The following THADA variants were observed in gnomAD, a reference collection of about 807,000 sequenced individuals.
THADA encodes THADA armadillo repeat containing.
Under a neutral mutation model 219.8 loss-of-function variants are expected in THADA, and 213 were observed. The ratio of observed to expected loss-of-function variants is 0.97; its 90% CI spans 0.87 to 1.09. The LOEUF (loss-of-function observed/expected upper bound fraction) is 1.09. Among genes scored for constraint, THADA ranks in the 50% least tolerant of loss-of-function variants. The pLI is 0.00. For missense variants in THADA, 2,956 were observed against 2,311.3 expected, an observed-to-expected ratio of 1.28 and a Z score of -5.72; for synonymous variants, 1,018 against 828.9, an observed-to-expected ratio of 1.23 and a Z score of -3.92.
At chr2:43,560,990 C>A (rs146521611) in intron 15 of THADA, among the ~76,000 whole-genome samples, 1,876 of 146,042 alleles carry the variant, frequency 0.013, 24 homozygotes, top group Middle Eastern at 0.029. Flanking sequence ...GCACTCCAGC[C>A]TGCGCAACAG....
Position 43,498,830 on chromosome 2 carries a change from T to C in THADA, c.3744+3A>G. 3 of 1,612,156 alleles carry C rather than the reference T, an allele frequency of 1.9e-6. No individual in the cohort carries two copies. Among genetic ancestry groups the C allele is most frequent in the Non-Finnish European group, 2.5e-6 (3 of 1,179,366 alleles). On this transcript the variant is annotated splice_donor_region_variant and intron_variant, in intron 25 of 37. Coordinates refer to ENST00000405975, the MANE Select transcript of THADA (RefSeq NM_022065.5). ...AATGAAAATAAATAGTGACAGCACT[T>C]ACTGCCCAGACCGGTGATGTAAAAC... is the stretch of plus-strand genomic sequence containing the variant.
chr2:43,586,736 T>C lies in THADA; in HGVS notation c.452-2A>G. On this transcript the variant is annotated splice_acceptor_variant, in intron 5 of 37. Transcript: ENST00000405975. LOFTEE classifies it high-confidence loss of function. ...GCAGATTATTAACACTTGCTCTACC[T>C]GTAGAGGAAAAAATGAACACTGGTA... 1 of 1,612,146 alleles carries C rather than the reference T, an allele frequency of 6.2e-7. No homozygotes were observed. Among genetic ancestry groups the C allele is most frequent in the Non-Finnish European group, 8.5e-7 (1 of 1,179,430 alleles).
chr2:43,413,248 G>C (rs1324905028), intron 28 of THADA, among the ~76,000 whole-genome samples: 1 of 151,922 alleles, frequency 6.6e-6, no homozygotes. Context: ...TATGTTACCA[G>C]GTAACATGTT....
At chr2:43,429,729 T>A (rs1294644967) in intron 27 of THADA, among the ~76,000 whole-genome samples, 1 of 151,300 alleles carries the variant, frequency 6.6e-6, no homozygotes, top group African/African-American at 2.4e-5. Flanking sequence ...TGGAATTAAG[T>A]TTGATAAAAT....
intron 26 of THADA, among the ~76,000 whole-genome samples, chr2:43,456,011 A>G (rs1317464792): frequency 1.3e-5 from 2 of 152,178 alleles, no homozygotes; most frequent in African/African-American, 2.4e-5. Context: ...TCGATTGCCA[A>G]AAGACTACGC....
intron 25 of THADA, among the ~76,000 whole-genome samples, chr2:43,490,364 T>C (rs142624847): frequency 5.9e-4 from 90 of 152,318 alleles, no homozygotes; most frequent in Middle Eastern, 3.4e-3. Context: ...GGAACTCCAG[T>C]ACAATGTTGA....
intron 22 of THADA, among the ~76,000 whole-genome samples, chr2:43,511,980 A>T (rs1391324748): frequency 6.6e-6 from 1 of 152,168 alleles, no homozygotes; most frequent in Non-Finnish European, 1.5e-5. Context: ...CCCTAATTTA[A>T]ACACTTGGCT....
chr2:43,523,431 T>C (rs1380983880), intron 22 of THADA, among the ~76,000 whole-genome samples: 1 of 152,208 alleles, frequency 6.6e-6, no homozygotes, highest in Non-Finnish European at 1.5e-5. Context: ...CAAAGCTGAA[T>C]GACTCTTCCC....
intron 30 of THADA, among the ~76,000 whole-genome samples, chr2:43,340,983 T>C (rs1667003303): frequency 6.6e-6 from 1 of 152,196 alleles, no homozygotes; most frequent in Admixed American, 6.5e-5. Context: ...TAATTTGCTA[T>C]TTAGGAACCT....
chr2:43,519,002 A>G (rs1000612408), intron 22 of THADA, among the ~76,000 whole-genome samples: 2 of 151,884 alleles, frequency 1.3e-5, no homozygotes, highest in Non-Finnish European at 2.9e-5. Context: ...TGTTTAAAGC[A>G]TTATTCTCCC....
chr2:43,275,387 C>T (rs11892091), intron 36 of THADA, among the ~76,000 whole-genome samples: 2,814 of 152,132 alleles, frequency 0.018, 62 homozygotes, highest in African/African-American at 0.061. Flanking sequence ...TGGCTGAAGC[C>T]GAAAGAGCAA....
intron 19 of THADA, 133 bp from the exon 20 acceptor site, chr2:43,549,501 G>T: frequency 1.1e-6 from 1 of 880,612 alleles, no homozygotes; most frequent in Non-Finnish European, 1.7e-6. Context: ...GACTCACAAG[G>T]TGGATAATAT....
intron 15 of THADA, chr2:43,565,700 A>G (rs191243758): frequency 2.0e-5 from 3 of 152,404 alleles, no homozygotes; most frequent in East Asian, 3.9e-4. Context: ...GGAGCAGCTG[A>G]GCAGGATATT....
At chr2:43,457,153 C>G (rs200095840) in intron 26 of THADA, among the ~76,000 whole-genome samples, 1 of 119,662 alleles carries the variant, frequency 8.4e-6, no homozygotes, top group African/African-American at 3.5e-5. Context: ...CACACACACA[C>G]ACACACACAC....
intron 22 of THADA, among the ~76,000 whole-genome samples, chr2:43,509,084 T>C (rs1025986902): frequency 6.6e-6 from 1 of 152,210 alleles, no homozygotes; most frequent in African/African-American, 2.4e-5. Flanking sequence ...GTCTCACAGA[T>C]ATTTCATACT....
Position 43,581,912 on chromosome 2 carries a change from G to T in THADA, c.550C>A (p.His184Asn). ...TTCATCAACTGTGTTTGAATAATATGATTTCCAGCACATTTTCTATAAAGA... is the reference window on the plus strand; with the variant it reads ...TTCATCAACTGTGTTTGAATAATATTATTTCCAGCACATTTTCTATAAAGA... ...LEENRKCAGN[H>N]IIQTQLMNDL... The change falls in exon 8 of 38, where the codon CAT becomes AAT. Residue 184 changes from histidine (H) to asparagine (N), a missense_variant. Physicochemically the swap from His to Asn is moderately conservative, Grantham distance 68. Coordinates refer to ENST00000405975, the MANE Select transcript of THADA (RefSeq NM_022065.5). 2 of 1,536,402 alleles carry T rather than the reference G, an allele frequency of 1.3e-6. No individual in the cohort carries two copies. The highest frequency in any genetic ancestry group is 1.7e-6 in the Non-Finnish European group (2 of 1,147,686).
intron 29 of THADA, 117 bp downstream of exon 29, chr2:43,397,854 G>C: frequency 8.5e-6 from 9 of 1,064,376 alleles, no homozygotes; most frequent in Non-Finnish European, 1.2e-5. Flanking sequence ...AAAAAAAAAA[G>C]TTCTACAGAT....
intron 36 of THADA, among the ~76,000 whole-genome samples, chr2:43,262,106 A>G (rs1211710743): frequency 2.0e-5 from 3 of 152,232 alleles, no homozygotes; most frequent in African/African-American, 7.2e-5. Context: ...TCAAAGTGAC[A>G]TAGAGCTGGA....
rs199935720 is a variant in THADA, at chr2:43,399,680, AGCTATG to A, written c.4059-1547_4059-1542del. Among the ~76,000 whole-genome samples, 1,519 of 152,242 alleles carry A rather than the reference AGCTATG, an allele frequency of 1.0e-2. 13 individuals carry two copies. Among genetic ancestry groups the A allele is most frequent in the Non-Finnish European group, 0.016 (1,055 of 68,004 alleles). On this transcript the variant is annotated intron_variant, in intron 28 of 37. Coordinates refer to ENST00000405975, the MANE Select transcript of THADA (RefSeq NM_022065.5). Reference sequence around the variant, plus strand: ...TCACATTATCTGTGGGAAAGCAGAGAGCTATGGTTACAGTAGGTAGCTGGACAGTTC... The same window carrying A: ...TCACATTATCTGTGGGAAAGCAGAGAGTTACAGTAGGTAGCTGGACAGTTC...
Sources: allele counts gnomAD v4.1 joint callset (sites outside exome capture counted in the v4.1 genomes callset), GRCh38; gene constraint gnomAD v4.1.1; transcripts MANE v1.5; gene names NCBI Gene and HGNC (gene_info 2026-07-23, HGNC 2026-07-21).